The following DMD variants were observed in gnomAD, a reference collection of about 807,000 sequenced individuals.
The protein encoded by DMD is dystrophin, also known as mutant dystrophin.
In DMD, 63 loss-of-function variants were observed where a neutral mutation model predicts 330.1. The observed-to-expected ratio is 0.19, with a 90% CI of 0.16 to 0.24. The LOEUF (loss-of-function observed/expected upper bound fraction) is 0.24. DMD is among the 10% of genes least tolerant of loss of function. The pLI is 1.00. For missense variants in DMD, 3,344 were observed against 2,684.1 expected (o/e 1.25, Z -5.43); for synonymous variants, 1,223 against 959.8 (o/e 1.27, Z -5.07).
At chrX:32,863,543 C>T (rs1451232694) in intron 2 of DMD, among the ~76,000 whole-genome samples, 2 of 38,632 alleles carry the variant, frequency 5.2e-5, no homozygotes, top group Admixed American at 7.0e-4. Context: ...TTTATACACA[C>T]ACACACACAC....
chrX:31,461,893 C>T (rs1007627929), intron 59 of DMD, among the ~76,000 whole-genome samples: 14 of 111,338 alleles, frequency 1.3e-4, no homozygotes, highest in African/African-American at 4.6e-4. Flanking sequence ...TAGCTACCTG[C>T]CTTCTCCACA....
intron 1 of DMD, among the ~76,000 whole-genome samples, chrX:33,190,991 TATAA>T (rs2050592997): frequency 1.9e-3 from 2 of 1,031 alleles, no homozygotes; most frequent in South Asian, 0.038. Flanking sequence ...TATATATATA[TATAA>T]TATATAATAT....
At chrX:31,978,093 C>T (rs2095449241) in intron 44 of DMD, among the ~76,000 whole-genome samples, 2 of 111,629 alleles carry the variant, frequency 1.8e-5, no homozygotes, top group Non-Finnish European at 3.8e-5. Flanking sequence ...ATTTTTTTCT[C>T]TCTAGGAACG....
intron 61 of DMD, among the ~76,000 whole-genome samples, chrX:31,343,582 A>AGTGT (rs56312485): frequency 0.02 from 1,727 of 87,516 alleles, 17 homozygotes; most frequent in East Asian, 0.058. Context: ...TCCAAAGGGG[A>AGTGT]GTGTGTGTGT....
intron 50 of DMD, among the ~76,000 whole-genome samples, chrX:31,802,161 T>C: frequency 1.0e-5 from 1 of 99,219 alleles, no homozygotes; most frequent in Non-Finnish European, 2.1e-5. Flanking sequence ...TCCTGTGGGA[T>C]ATCATTTCTT....
intron 43 of DMD, among the ~76,000 whole-genome samples, chrX:32,233,066 G>C (rs1025855124): frequency 2.7e-5 from 3 of 111,958 alleles, no homozygotes; most frequent in Admixed American, 9.5e-5. Context: ...TTTATTGAGC[G>C]CTTAGTCCTG....
rs1569564280 is a variant in DMD, at chrX:32,472,159, C to T, written c.2949+5G>A. On this transcript the variant is annotated splice_donor_5th_base_variant and intron_variant, in intron 22 of 78. Transcript: ENST00000357033. The stretch of plus-strand genomic sequence containing the variant: ...TATTGTTTTGACATTCAAATATTCA[C>T]AGACCTGCAATTCCCCGAGTCTCTG... 4.1e-6 allele frequency: 5 copies of T among 1,210,558 alleles called. No homozygotes were observed. In the African/African-American group the frequency reaches 5.2e-5, roughly 13 times the overall value.
chrX:32,187,639 C>T (rs758276922), intron 44 of DMD, among the ~76,000 whole-genome samples: 36 of 111,824 alleles, frequency 3.2e-4, no homozygotes, highest in Middle Eastern at 4.6e-3. Context: ...TCACAATATG[C>T]TGTCTATGAA....
chrX:32,209,854 C>T (rs1043475644), intron 44 of DMD, among the ~76,000 whole-genome samples: 3 of 111,540 alleles, frequency 2.7e-5, no homozygotes, highest in South Asian at 3.7e-4. Flanking sequence ...TGCTGGACAA[C>T]GGAAGTCTAA....
At chrX:31,871,069 A>C (rs1026566230) in intron 48 of DMD, among the ~76,000 whole-genome samples, 1 of 111,817 alleles carries the variant, frequency 8.9e-6, no homozygotes, top group African/African-American at 3.2e-5. Flanking sequence ...GCATTCAATT[A>C]TCATTTCTGA....
intron 49 of DMD, among the ~76,000 whole-genome samples, chrX:31,831,657 GGC>G (rs2093035026): frequency 9.0e-6 from 1 of 111,171 alleles, no homozygotes; most frequent in Admixed American, 9.5e-5. Context: ...GGAGTGCAGT[GGC>G]GTGATCTCAG....
At chrX:31,389,661 T>C (rs1039034099) in intron 60 of DMD, among the ~76,000 whole-genome samples, 16 of 112,573 alleles carry the variant, frequency 1.4e-4, no homozygotes, top group African/African-American at 3.9e-4. Flanking sequence ...TTAAATGGAA[T>C]AGACACATCT....
At chrX:31,448,107 A>G (rs1157141283) in intron 59 of DMD, among the ~76,000 whole-genome samples, 1 of 110,431 alleles carries the variant, frequency 9.1e-6, no homozygotes, top group Admixed American at 9.7e-5. Context: ...GGAAGCTTTG[A>G]CTGGTGTGAG....
At chrX:32,884,748 T>C (rs1417885665) in intron 2 of DMD, among the ~76,000 whole-genome samples, 2 of 111,772 alleles carry the variant, frequency 1.8e-5, no homozygotes, top group East Asian at 2.8e-4. Flanking sequence ...AGGTTCAAAC[T>C]TGCAATAAGA....
chrX:32,658,653 C>A (rs747699817), intron 9 of DMD, among the ~76,000 whole-genome samples: 1 of 111,092 alleles, frequency 9.0e-6, no homozygotes, highest in East Asian at 2.8e-4. Flanking sequence ...AATCTCTCCC[C>A]CTCCAATTGA....
intron 41 of DMD, among the ~76,000 whole-genome samples, chrX:32,336,195 T>C (rs1043371014): frequency 9.0e-6 from 1 of 110,605 alleles, no homozygotes; most frequent in Admixed American, 9.7e-5. Context: ...TAGCATGTCA[T>C]ATATATACAT....
chrX:32,928,597 G>A (rs758895922), intron 2 of DMD, among the ~76,000 whole-genome samples: 1 of 111,591 alleles, frequency 9.0e-6, no homozygotes, highest in African/African-American at 3.2e-5. Context: ...CGTTTCATCA[G>A]GTAACCTACT....
rs928278688 is a variant in DMD, at chrX:32,669,008, C to G, written c.961-23856G>C. On this transcript the variant is annotated intron_variant, in intron 9 of 78. Coordinates refer to ENST00000357033, the MANE Select transcript of DMD (RefSeq NM_004006.3). ...TATATAGCACATTGTATGTTATACA[C>G]AGGAATTTACGGTGTACTGTAGATT... 3.6e-5 allele frequency among the ~76,000 whole-genome samples: 4 copies of G among 111,078 alleles called. No homozygotes were observed. The East Asian group carries it at 1.1e-3, about 31-fold the overall frequency.
intron 1 of DMD, among the ~76,000 whole-genome samples, chrX:33,172,374 C>T (rs2049399264): frequency 9.0e-6 from 1 of 111,471 alleles, no homozygotes. Context: ...CGGATGCTGG[C>T]CATAAACAGG....
Sources: allele counts gnomAD v4.1 joint callset (sites outside exome capture counted in the v4.1 genomes callset), GRCh38; gene constraint gnomAD v4.1.1; transcripts MANE v1.5; gene names NCBI Gene and HGNC (gene_info 2026-07-23, HGNC 2026-07-21).